CACNA1S: variants seen among roughly 807,000 people sequenced by gnomAD.
CACNA1S encodes the protein calcium voltage-gated channel subunit alpha1 S, also known as voltage-dependent L-type calcium channel subunit alpha-1S.
A neutral mutation model predicts 207.4 loss-of-function variants in CACNA1S; 126 were observed. The observed-to-expected ratio is 0.61, with a 90% confidence interval of 0.53 to 0.70. The LOEUF (loss-of-function observed/expected upper bound fraction) is 0.70, where lower values mean the gene tolerates loss of function less well. CACNA1S is among the 30% of genes least tolerant of loss of function. CACNA1S has a pLI of 0.00. For synonymous variants in CACNA1S, 960 were observed against 932.7 expected (o/e 1.03, Z -0.53); for missense variants, 2,349 against 2,422.8 (o/e 0.97, Z 0.64).
intron 9 of CACNA1S, among the ~76,000 whole-genome samples, chr1:201,083,748 T>TA: frequency 6.6e-6 from 1 of 152,228 alleles, no homozygotes; most frequent in Non-Finnish European, 1.5e-5. Flanking sequence ...TGGCAGCACT[T>TA]ACCAAAATTT....
intron 2 of CACNA1S, among the ~76,000 whole-genome samples, chr1:201,101,205 A>G (rs141640827): frequency 0.011 from 1,670 of 152,356 alleles, 29 homozygotes; most frequent in African/African-American, 0.038. Flanking sequence ...CTTCTCTGCC[A>G]TGAATGAACA....
intron 7 of CACNA1S, 128 bp from the exon 8 acceptor site, chr1:201,085,709 T>G: frequency 9.5e-7 from 1 of 1,051,896 alleles, no homozygotes. Context: ...CCCGGGGTGT[T>G]GCCTGGGGTC....
intron 2 of CACNA1S, among the ~76,000 whole-genome samples, chr1:201,103,735 G>T (rs994943905): frequency 1.3e-5 from 2 of 152,188 alleles, no homozygotes; most frequent in African/African-American, 4.8e-5. Flanking sequence ...TCCTTCTGAG[G>T]CCCCAGCCTC....
intron 2 of CACNA1S, among the ~76,000 whole-genome samples, chr1:201,097,417 C>T (rs188895939): frequency 9.3e-4 from 142 of 152,148 alleles, no homozygotes; most frequent in African/African-American, 3.3e-3. Flanking sequence ...CTTTCAGGTC[C>T]CCTAGCTCTC....
At chr1:201,041,650 C>T (rs1166905876) in intron 40 of CACNA1S, 61 bp from the exon 41 acceptor site, 27 of 1,223,754 alleles carry the variant, frequency 2.2e-5, no homozygotes, top group Non-Finnish European at 3.0e-5. Context: ...GGCATCCCTG[C>T]CTCTCTGGCC....
intron 41 of CACNA1S, among the ~76,000 whole-genome samples, 200 bp downstream of exon 41, chr1:201,041,304 C>A (rs1158244803): frequency 6.6e-6 from 1 of 152,178 alleles, no homozygotes; most frequent in Non-Finnish European, 1.5e-5. Flanking sequence ...ACTCAGCCAC[C>A]TAGATGGTGC....
rs766041805 is a variant in CACNA1S at position 201,047,060 on chromosome 1, C to G, written c.4668+55G>C. On this transcript the variant is annotated intron_variant, in intron 38 of 43. Coordinates refer to ENST00000362061, the MANE Select transcript of CACNA1S (RefSeq NM_000069.3). ...AAGGACATGGAAGGATAACTAGAGTCTGGAGACCTGGCTCAGTGGGGGAGC... is the reference window on the plus strand; with the variant it reads ...AAGGACATGGAAGGATAACTAGAGTGTGGAGACCTGGCTCAGTGGGGGAGC... The G allele has an allele frequency of 2.4e-5, 39 of 1,612,158 alleles. No homozygotes were observed. In the Admixed American group the frequency reaches 6.3e-4, roughly 26 times the overall value.
intron 6 of CACNA1S, 109 bp downstream of exon 6, chr1:201,089,149 G>T (rs2102159777): frequency 3.0e-6 from 3 of 999,048 alleles, no homozygotes; most frequent in South Asian, 1.4e-5. Context: ...CTGTGGTCAC[G>T]CAAGTCAGAG....
intron 19 of CACNA1S, among the ~76,000 whole-genome samples, chr1:201,067,849 T>C (rs1376724594): frequency 6.6e-6 from 1 of 152,198 alleles, no homozygotes; most frequent in Non-Finnish European, 1.5e-5. Flanking sequence ...CTTCAATAGT[T>C]GAGGCCCCGA....
At chr1:201,072,965 C>A in intron 15 of CACNA1S, 141 bp from the exon 16 acceptor site, 1 of 776,500 alleles carries the variant, frequency 1.3e-6, no homozygotes, top group East Asian at 2.5e-5. Flanking sequence ...TTATGATCAT[C>A]CCCATTTTAC....
rs539699190 is a variant in CACNA1S at position 201,047,396 on chromosome 1, G to T, written c.4543+129C>A. 230 of 1,250,586 alleles carry T rather than the reference G, an allele frequency of 1.8e-4. 3 individuals are homozygous for T. In the South Asian group the frequency reaches 2.6e-3, roughly 14 times the overall value. The allele number at this position is 1,250,586 out of a possible 1,614,324, so 77.5% of individuals were successfully genotyped here. ...CTTTCCATCCTGAGGTTGGATGCCC[G>T]TGGGATCTACCTAAGGCATTTATGG... On this transcript the variant is annotated intron_variant, in intron 37 of 43. Transcript: ENST00000362061.
In CACNA1S at chr1:201,094,041, C is replaced by T; in HGVS notation, c.259-20G>A. On this transcript the variant is annotated intron_variant, in intron 2 of 43. Coordinates refer to ENST00000362061, the MANE Select transcript of CACNA1S (RefSeq NM_000069.3). ...CTTCTCCTGTGGGAGCAAACGTGGT[C>T]ACAGCATGCCTCTGTGCTCTCTGAG... is the stretch of plus-strand genomic sequence containing the variant. The T allele has an allele frequency of 6.8e-6, 11 of 1,614,054 alleles. No homozygotes were observed. Among genetic ancestry groups the T allele is most frequent in the South Asian group, 5.5e-5 (5 of 91,014 alleles).
At position 201,048,652 on chromosome 1, in the gene CACNA1S, G is replaced by A. The variant is rs767347290; in HGVS notation, c.4371C>T (p.Ser1457=). 8.1e-6 allele frequency: 13 copies of A among 1,613,566 alleles called. No individual in the cohort carries two copies. The highest frequency in any genetic ancestry group is 6.7e-5 in the Admixed American group (4 of 60,020). ...RLVGMNMPLN[S]DGTVTFNATL... The stretch of plus-strand genomic sequence containing the variant: ...TGGCATTGAAGGTGACTGTGCCGTC[G>A]CTGTTCAGGGGCATGTTCATGCCCA... The change falls in exon 36 of 44, where the codon AGC becomes AGT. Residue 1457 remains serine (S), a synonymous_variant. Coordinates refer to ENST00000362061, the MANE Select transcript of CACNA1S (RefSeq NM_000069.3).
intron 10 of CACNA1S, among the ~76,000 whole-genome samples, chr1:201,082,681 A>G (rs1046026580): frequency 6.6e-6 from 1 of 152,232 alleles, no homozygotes; most frequent in African/African-American, 2.4e-5. Context: ...AAGCTCCTTG[A>G]AGCCAGGAGT....
Position 201,069,610 on chromosome 1 carries a change from G to A in CACNA1S, c.2361-9C>T, listed in dbSNP as rs1661381249. The A allele has an allele frequency of 1.3e-6, 2 of 1,552,268 alleles. No individual in the cohort carries two copies. The highest frequency in any genetic ancestry group is 1.7e-6 in the Non-Finnish European group (2 of 1,147,230). ...GACACAGGACACGGATCCTGGTGGG[G>A]CGAGGTAGGGAGGGCAGGGGAGCTG... On this transcript the variant is annotated splice_polypyrimidine_tract_variant and intron_variant, in intron 17 of 43. Coordinates refer to ENST00000362061, the MANE Select transcript of CACNA1S (RefSeq NM_000069.3).
chr1:201,058,022 G>A (rs578144963), intron 28 of CACNA1S, among the ~76,000 whole-genome samples: 7 of 151,990 alleles, frequency 4.6e-5, no homozygotes, highest in Admixed American at 3.3e-4. Context: ...CATTTCCTGC[G>A]CTGTGCCTCT....
chr1:201,050,327 G>T, intron 34 of CACNA1S, 62 bp downstream of exon 34: 6 of 1,587,410 alleles, frequency 3.8e-6, no homozygotes, highest in Non-Finnish European at 4.3e-6. Flanking sequence ...GTGACTCCCT[G>T]TGAGACGGTA....
intron 7 of CACNA1S, among the ~76,000 whole-genome samples, chr1:201,085,812 C>T (rs1044148213): frequency 6.6e-6 from 1 of 152,058 alleles, no homozygotes; most frequent in Non-Finnish European, 1.5e-5. Flanking sequence ...ACTCCTTGCC[C>T]CTTCCTCATT....
chr1:201,081,450 C>T (rs991099661), intron 10 of CACNA1S, among the ~76,000 whole-genome samples: 7 of 152,230 alleles, frequency 4.6e-5, no homozygotes, highest in Non-Finnish European at 7.3e-5. Context: ...ACTCGTCTCA[C>T]GGTCCAGAGC....
Sources: allele counts gnomAD v4.1 joint callset (sites outside exome capture counted in the v4.1 genomes callset), GRCh38; gene constraint gnomAD v4.1.1; transcripts MANE v1.5; gene names NCBI Gene and HGNC (gene_info 2026-07-23, HGNC 2026-07-21).